GBGT1: variants seen among roughly 807,000 people sequenced by gnomAD.
The protein encoded by GBGT1 is globoside alpha-1,3-N-acetylgalactosaminyltransferase 1.
Under a neutral mutation model 20.9 loss-of-function variants are expected in GBGT1, and 18 were observed. The observed-to-expected ratio is 0.86, with a 90% confidence interval of 0.60 to 1.28. GBGT1 has a LOEUF of 1.28. Ranked by LOEUF, GBGT1 falls within the 50% of genes most tolerant of loss-of-function variation. GBGT1 has a pLI of 0.00. For missense variants in GBGT1, 432 were observed against 455.7 expected, an observed-to-expected ratio of 0.95 and a Z score of 0.47; for synonymous variants, 168 against 180.8, an observed-to-expected ratio of 0.93 and a Z score of 0.57.
chr9:133,158,800 A>G lies in GBGT1; in HGVS notation c.137+2667T>C, dbSNP rs564262001. 2.6e-5 allele frequency among the ~76,000 whole-genome samples: 4 copies of G among 152,238 alleles called. No homozygotes were observed. The East Asian group carries it at 7.7e-4, about 29-fold the overall frequency. On this transcript the variant is annotated intron_variant, in intron 3 of 6. Transcript: ENST00000372040. ...TGTCCAGAACTTTTTCATCATCCCA[A>G]AAGGAAGCTCGGTCCTCATTAAACA...
In GBGT1 at chr9:133,153,819, G is replaced by GC; in HGVS notation, c.801dup (p.Gln268AlafsTer7). On this transcript the variant is annotated frameshift_variant, in exon 7 of 7. Coordinates refer to ENST00000372040, the MANE Select transcript of GBGT1 (RefSeq NM_021996.6). LOFTEE classifies it low-confidence loss of function (END_TRUNC). Reference sequence around the variant, plus strand: ...GTAAACTCATATACCCTGGCCACCTGCCCCCCGAAGACTGCCCCACCATAA... The same window carrying GC: ...GTAAACTCATATACCCTGGCCACCTGCCCCCCCGAAGACTGCCCCACCATAA... 5.0e-6 allele frequency: 8 copies of GC among 1,586,364 alleles called. No individual in the cohort carries two copies. The highest frequency in any genetic ancestry group is 1.1e-5 in the South Asian group (1 of 87,368).
intron 3 of GBGT1, 35 bp from the exon 4 acceptor site, chr9:133,156,100 G>T: frequency 6.2e-7 from 1 of 1,611,874 alleles, no homozygotes; most frequent in Non-Finnish European, 8.5e-7. Context: ...CATCATCATG[G>T]GTCTGGGGAC....
At chr9:133,161,979 C>T (rs904687482) in intron 2 of GBGT1, among the ~76,000 whole-genome samples, 2 of 152,094 alleles carry the variant, frequency 1.3e-5, no homozygotes, top group East Asian at 3.9e-4. Flanking sequence ...AAGCCGGAGA[C>T]ACTAGTTGGG....
Position 133,161,480 on chromosome 9 carries a change from A to AG in GBGT1, c.123dup (p.Cys42LeufsTer108), listed in dbSNP as rs750662051. On this transcript the variant is annotated frameshift_variant, in exon 3 of 7. Transcript: ENST00000372040. LOFTEE classifies it high-confidence loss of function. ...ACCCATACTTACAAGATCTCTGGGC[A>AG]GGGGAGATAATAGGGGACATAGGAG... The AG allele has an allele frequency of 6.8e-6, 11 of 1,608,992 alleles. No individual in the cohort carries two copies. The highest frequency in any genetic ancestry group is 7.7e-6 in the Non-Finnish European group (9 of 1,176,434).
intron 3 of GBGT1, 70 bp downstream of exon 3, chr9:133,161,397 T>G: frequency 1.0e-5 from 9 of 875,962 alleles, no homozygotes; most frequent in Non-Finnish European, 1.4e-5. Flanking sequence ...TGAACTTAAA[T>G]ACTCTCCTGT....
At position 133,153,812 on chromosome 9, in the gene GBGT1, GCCACCTGC is replaced by G; in HGVS notation, c.801_808del (p.Val269GlyfsTer3). ...GCCCCTAGTAAACTCATATACCCTG[GCCACCTGC>G]CCCCCGAAGACTGCCCCACCATAAT... is the stretch of plus-strand genomic sequence containing the variant. On this transcript the variant is annotated frameshift_variant, in exon 7 of 7. Transcript: ENST00000372040. LOFTEE classifies it low-confidence loss of function (END_TRUNC). 1 of 1,589,538 alleles carries G rather than the reference GCCACCTGC, an allele frequency of 6.3e-7. No individual in the cohort carries two copies. Among genetic ancestry groups the G allele is most frequent in the Non-Finnish European group, 8.6e-7 (1 of 1,165,016 alleles).
chr9:133,153,810 T>C lies in GBGT1; in HGVS notation c.811A>G (p.Arg271Gly). 1 of 1,589,340 alleles carries C rather than the reference T, an allele frequency of 6.3e-7. No individual in the cohort carries two copies. The highest frequency in any genetic ancestry group is 8.6e-7 in the Non-Finnish European group (1 of 1,164,942). Residue 271 changes from arginine to glycine, a missense_variant, in exon 7 of 7, where the codon AGG becomes GGG. Arg to Gly is a moderately radical substitution (Grantham distance 125, BLOSUM62 -2). Coordinates refer to ENST00000372040, the MANE Select transcript of GBGT1 (RefSeq NM_021996.6). ...GGAVFGGQVA[R>G]VYEFTRGCHM... Reference sequence around the variant, plus strand: ...CAGCCCCTAGTAAACTCATATACCCTGGCCACCTGCCCCCCGAAGACTGCC... The same window carrying C: ...CAGCCCCTAGTAAACTCATATACCCCGGCCACCTGCCCCCCGAAGACTGCC...
chr9:133,161,909 G>A (rs1833059374), intron 2 of GBGT1, among the ~76,000 whole-genome samples: 1 of 152,216 alleles, frequency 6.6e-6, no homozygotes, highest in Non-Finnish European at 1.5e-5. Context: ...GTTGAAGGAT[G>A]ATCCAGGCAG....
rs1199002912 is a variant in GBGT1 at position 133,155,319 on chromosome 9, G to A, written c.225-7C>T. 1.2e-6 allele frequency: 2 copies of A among 1,613,688 alleles called. No individual in the cohort carries two copies. Among genetic ancestry groups the A allele is most frequent in the East Asian group, 4.5e-5 (2 of 44,888 alleles). On this transcript the variant is annotated splice_region_variant and splice_polypyrimidine_tract_variant and intron_variant, in intron 5 of 6. Coordinates refer to ENST00000372040, the MANE Select transcript of GBGT1 (RefSeq NM_021996.6). ...TGTCAGCAGCTGTGTGGGCCTGGCA[G>A]CAGGGGGGCCGTGGGCACTGAGACC...
At chr9:133,158,685 A>G (rs1489300746) in intron 3 of GBGT1, among the ~76,000 whole-genome samples, 1 of 152,196 alleles carries the variant, frequency 6.6e-6, no homozygotes, top group Non-Finnish European at 1.5e-5. Flanking sequence ...AAGTATACAA[A>G]ACACAAGATT....
chr9:133,161,163 T>G, intron 3 of GBGT1: 1 of 404,714 alleles, frequency 2.5e-6, no homozygotes, highest in Non-Finnish European at 4.4e-6. Flanking sequence ...AACAGCAGGC[T>G]GTTTATGGGC....
At chr9:133,157,469 C>T (rs940965409) in intron 3 of GBGT1, among the ~76,000 whole-genome samples, 12 of 152,356 alleles carry the variant, frequency 7.9e-5, no homozygotes, top group Non-Finnish European at 1.8e-4. Context: ...ACTGCCATTT[C>T]TCTGCATCTG....
chr9:133,156,015 C>T lies in GBGT1; in HGVS notation c.188G>A (p.Trp63Ter). The change falls in exon 4 of 7, where the codon TGG (tryptophan) becomes TAG (stop). Residue 63 changes from tryptophan to a stop codon, truncating the protein, a stop_gained and splice_region_variant. Transcript: ENST00000372040. LOFTEE classifies it high-confidence loss of function. Reference sequence around the variant, plus strand: ...AAAGAGGAAATGCCAGTCTCCTTACCATACCACGGGCTGGAGTGGCTTCTC... The same window carrying T: ...AAAGAGGAAATGCCAGTCTCCTTACTATACCACGGGCTGGAGTGGCTTCTC... The part of the protein sequence containing the change: ...KREKPLQPVV[W>*]SQYPQPKLLE... 1 of 1,614,082 alleles carries T rather than the reference C, an allele frequency of 6.2e-7. No individual in the cohort carries two copies. The highest frequency in any genetic ancestry group is 1.1e-5 in the South Asian group (1 of 91,090).
intron 3 of GBGT1, among the ~76,000 whole-genome samples, chr9:133,159,447 C>T (rs1832968581): frequency 6.6e-6 from 1 of 152,186 alleles, no homozygotes; most frequent in Non-Finnish European, 1.5e-5. Flanking sequence ...CAGCGAGCTC[C>T]TCTTTTCTCT....
chr9:133,161,460 T>C lies in GBGT1; in HGVS notation c.137+7A>G, dbSNP rs769583225. 1.9e-6 allele frequency: 3 copies of C among 1,598,962 alleles called. No homozygotes were observed. The highest frequency in any genetic ancestry group is 2.2e-5 in the South Asian group (2 of 89,562). ...CCCCCAGTTCTCCTAGCCACACCCA[T>C]ACTTACAAGATCTCTGGGCAGGGGA... On this transcript the variant is annotated splice_region_variant and intron_variant, in intron 3 of 6. Transcript: ENST00000372040.
chr9:133,161,410 C>G (rs1233607670), intron 3 of GBGT1, 57 bp downstream of exon 3: 4 of 1,076,172 alleles, frequency 3.7e-6, no homozygotes, highest in Admixed American at 2.2e-5. Context: ...TCTCCTGTCT[C>G]CCCAACTGTG....
Position 133,155,260 on chromosome 9 carries a change from C to T in GBGT1, c.277G>A (p.Gly93Arg). 1 of 1,614,004 alleles carries T rather than the reference C, an allele frequency of 6.2e-7. No individual in the cohort carries two copies. The highest frequency in any genetic ancestry group is 8.5e-7 in the Non-Finnish European group (1 of 1,179,956). ...TGCAGAAGCTCTGGGTTGAAGGTTC[C>T]CTCGGAGACGATGGGCGCCAACCAG... Reference protein sequence around the residue: ...TPWLAPIVSEGTFNPELLQHI... With the variant: ...TPWLAPIVSERTFNPELLQHI... The change falls in exon 6 of 7, where the codon GGA (glycine) becomes AGA (arginine). Residue 93 changes from glycine to arginine, a missense_variant. Gly to Arg is a moderately radical substitution (Grantham distance 125). Transcript: ENST00000372040.
At chr9:133,160,272 C>G (rs1022612097) in intron 3 of GBGT1, 2 of 110,008 alleles carry the variant, frequency 1.8e-5, no homozygotes, top group African/African-American at 7.7e-5. Context: ...AAGCGAGACT[C>G]TGTCTCAATA....
At chr9:133,156,096 C>G (rs748413037) in intron 3 of GBGT1, 31 bp from the exon 4 acceptor site, 2 of 1,612,558 alleles carry the variant, frequency 1.2e-6, no homozygotes, top group Non-Finnish European at 1.7e-6. Flanking sequence ...GAGCCATCAT[C>G]ATGGGTCTGG....
Sources: gnomAD v4.1 joint callset for allele counts (sites outside exome capture counted in the v4.1 genomes callset) on GRCh38, gnomAD v4.1.1 for gene constraint, MANE v1.5 for transcripts, NCBI Gene and HGNC (gene_info 2026-07-23, HGNC 2026-07-21) for gene names.